Variants in FCGR2A observed in about 807,000 individuals in gnomAD.
FCGR2A encodes low affinity immunoglobulin gamma Fc region receptor II-a.
A neutral mutation model predicts 29.3 loss-of-function variants in FCGR2A; 18 were observed. That is an observed-to-expected ratio of 0.62 (90% confidence interval 0.43 to 0.91). The LOEUF (loss-of-function observed/expected upper bound fraction) is 0.91, where lower values mean the gene tolerates loss of function less well. FCGR2A is among the 40% of genes least tolerant of loss of function. FCGR2A has a pLI of 0.00. For missense variants in FCGR2A, 287 were observed against 393.0 expected (o/e 0.73, Z 2.28); for synonymous variants, 126 against 144.8 (o/e 0.87, Z 0.93).
At chr1:161,520,077 CTGT>C (rs1488704306), downstream of FCGR2A, 1 of 152,002 alleles carries the variant, frequency 6.6e-6, no homozygotes, top group African/African-American at 2.4e-5. Context: ...GCAGCTTTCT[CTGT>C]TGGATAGTTT....
intron 3 of FCGR2A, 145 bp downstream of exon 3, chr1:161,506,736 C>T: frequency 7.1e-7 from 1 of 1,417,566 alleles, no homozygotes; most frequent in Non-Finnish European, 9.5e-7. Flanking sequence ...CCCCATTTCA[C>T]CCACCCTCTT....
chr1:161,512,045 C>T (rs1294944458), intron 5 of FCGR2A, among the ~76,000 whole-genome samples: 1 of 152,178 alleles, frequency 6.6e-6, no homozygotes, highest in Admixed American at 6.5e-5. Context: ...GTCCCAGATA[C>T]AGAGGAGAGG....
At chr1:161,511,885 G>T (rs896994432) in intron 5 of FCGR2A, among the ~76,000 whole-genome samples, 1 of 152,240 alleles carries the variant, frequency 6.6e-6, no homozygotes, top group Non-Finnish European at 1.5e-5. Context: ...CTGGACCTGA[G>T]CCAGCGAGAA....
At chr1:161,517,390 G>T (rs1450302701) in intron 6 of FCGR2A, among the ~76,000 whole-genome samples, 8 of 152,106 alleles carry the variant, frequency 5.3e-5, no homozygotes, top group Admixed American at 3.9e-4. Context: ...ATGAGTTACA[G>T]CAGAGGAGAT....
At chr1:161,512,041 G>T (rs183532899) in intron 5 of FCGR2A, among the ~76,000 whole-genome samples, 1 of 152,232 alleles carries the variant, frequency 6.6e-6, no homozygotes, top group Non-Finnish European at 1.5e-5. Context: ...ACCAGTCCCA[G>T]ATACAGAGGA....
chr1:161,516,742 T>C (rs1410699921), intron 6 of FCGR2A, among the ~76,000 whole-genome samples: 1 of 149,308 alleles, frequency 6.7e-6, no homozygotes, highest in East Asian at 2.0e-4. Flanking sequence ...TGTCAAATTC[T>C]AGGCCTGTTC....
chr1:161,509,757 G>A, intron 3 of FCGR2A, 63 bp from the exon 4 acceptor site: 1 of 1,599,216 alleles, frequency 6.3e-7, no homozygotes. Flanking sequence ...ACGTACCTCT[G>A]AGACTGAAAA....
chr1:161,509,804 T>C lies in FCGR2A; in HGVS notation c.365-16T>C. The stretch of plus-strand genomic sequence containing the variant: ...CTATCCTTACAACTTTTTCTTATCA[T>C]ATTTGTGTCTTTCAGAATGGCTGGT... On this transcript the variant is annotated splice_polypyrimidine_tract_variant and intron_variant, in intron 3 of 6. Transcript: ENST00000271450. 1 of 1,614,046 alleles carries C rather than the reference T, an allele frequency of 6.2e-7. No individual in the cohort carries two copies. The highest frequency in any genetic ancestry group is 8.5e-7 in the Non-Finnish European group (1 of 1,179,944).
rs7530938 is a variant in FCGR2A, at chr1:161,518,735, A to C, written c.*587A>C. 0.013 allele frequency: 1,994 copies of C among 156,664 alleles called. 88 individuals carry two copies. In the East Asian group the frequency reaches 0.2, roughly 16 times the overall value. 9.7% of individuals were successfully genotyped at this position (156,664 alleles called of 1,614,324 possible). ...AGCGATTCTCATGCCTCAGCCTCCC[A>C]GTAGCTGGGATTAGAGGCATGTGCC... On this transcript the variant is annotated 3_prime_UTR_variant, in exon 7 of 7. Transcript: ENST00000271450.
At chr1:161,523,906 A>C (rs963664773), downstream of FCGR2A, 4 of 152,088 alleles carry the variant, frequency 2.6e-5, no homozygotes, top group African/African-American at 7.2e-5. Context: ...TCTACCACTG[A>C]ACCACCAATG....
At chr1:161,509,669 C>A in intron 3 of FCGR2A, 151 bp from the exon 4 acceptor site, 1 of 1,046,082 alleles carries the variant, frequency 9.6e-7, no homozygotes, top group Non-Finnish European at 1.4e-6. Flanking sequence ...CCATATATTG[C>A]CTATAAGAGA....
intron 5 of FCGR2A, among the ~76,000 whole-genome samples, chr1:161,512,059 G>A (rs1372075506): frequency 2.0e-5 from 3 of 152,198 alleles, no homozygotes; most frequent in Non-Finnish European, 4.4e-5. Context: ...GGAGAGGGCG[G>A]TGTTCAAATT....
chr1:161,521,904 T>C (rs1676467063), downstream of FCGR2A, among the ~76,000 whole-genome samples: 2 of 152,150 alleles, frequency 1.3e-5, no homozygotes, highest in Non-Finnish European at 2.9e-5. Flanking sequence ...ACTTGCTTTT[T>C]TTTTGTACTC....
Position 161,509,844 on chromosome 1 carries a change from A to G in FCGR2A, c.389A>G (p.His130Arg). 6.2e-7 allele frequency: 1 copy of G among 1,614,158 alleles called. No homozygotes were observed. The highest frequency in any genetic ancestry group is 8.5e-7 in the Non-Finnish European group (1 of 1,180,020). Residue 130 changes from histidine (H) to arginine (R), a missense_variant, in exon 4 of 7, where the codon CAC becomes CGC. Coordinates refer to ENST00000271450, the MANE Select transcript of FCGR2A (RefSeq NM_001136219.3). ...GAATGGCTGGTGCTCCAGACCCCTC[A>G]CCTGGAGTTCCAGGAGGGAGAAACC... is the stretch of plus-strand genomic sequence containing the variant. ...LSEWLVLQTPHLEFQEGETIM... is the reference protein window; with the variant it reads ...LSEWLVLQTPRLEFQEGETIM...
At chr1:161,509,377 A>T (rs550315909) in intron 3 of FCGR2A, among the ~76,000 whole-genome samples, 115 of 152,156 alleles carry the variant, frequency 7.6e-4, no homozygotes, top group African/African-American at 2.6e-3. Flanking sequence ...AGCATGTGGA[A>T]AAAAGGGGGG....
At chr1:161,509,702 A>G in intron 3 of FCGR2A, 118 bp from the exon 4 acceptor site, 1 of 1,317,050 alleles carries the variant, frequency 7.6e-7, no homozygotes. Context: ...GTCATGAAGC[A>G]TCTTCATTTC....
intron 6 of FCGR2A, among the ~76,000 whole-genome samples, chr1:161,515,588 T>G (rs1676101073): frequency 1.3e-5 from 2 of 152,166 alleles, no homozygotes; most frequent in Admixed American, 1.3e-4. Flanking sequence ...TTGAGTTGTG[T>G]AAATGTTTTT....
At chr1:161,510,318 A>G in intron 4 of FCGR2A, 1 of 731,680 alleles carries the variant, frequency 1.4e-6, no homozygotes, top group South Asian at 1.7e-5. Flanking sequence ...TAGGCCCCAG[A>G]CTAAAGATGG....
rs1274010243 is a variant in FCGR2A at position 161,519,759 on chromosome 1, C to T, written c.*1611C>T. 1 of 152,006 alleles carries T rather than the reference C, an allele frequency of 6.6e-6. No homozygotes were observed. The highest frequency in any genetic ancestry group is 2.4e-5 in the African/African-American group (1 of 41,360). 9.4% of individuals were successfully genotyped at this position (152,006 alleles called of 1,614,324 possible). On this transcript the variant is annotated 3_prime_UTR_variant, in exon 7 of 7. Coordinates refer to ENST00000271450, the MANE Select transcript of FCGR2A (RefSeq NM_001136219.3). ...AACTGAATACTCTTCTTCTAATGAA[C>T]TTGTATTCTTGTTTCCATGTCTTCT...
Sources: gnomAD v4.1 joint callset for allele counts (sites outside exome capture counted in the v4.1 genomes callset) on GRCh38, gnomAD v4.1.1 for gene constraint, MANE v1.5 for transcripts, NCBI Gene and HGNC (gene_info 2026-07-23, HGNC 2026-07-21) for gene names.